Variants in PACS2 observed in about 807,000 individuals in gnomAD.
PACS2 encodes phosphofurin acidic cluster sorting protein 2.
In PACS2, 36 loss-of-function variants were observed where a neutral mutation model predicts 113.0. The ratio of observed to expected loss-of-function variants is 0.32; its 90% CI spans 0.24 to 0.42. The LOEUF (loss-of-function observed/expected upper bound fraction) is 0.42, where lower values mean the gene tolerates loss of function less well. Ranked by LOEUF, PACS2 falls within the 10% of genes least tolerant of loss-of-function variation. PACS2 has a pLI of 1.00. For missense variants in PACS2, 1,015 were observed against 1,239.5 expected (o/e 0.82, Z 2.72); for synonymous variants, 589 against 536.1 (o/e 1.10, Z -1.36).
At chr14:105,335,005 G>A (rs965247058) in intron 1 of PACS2, among the ~76,000 whole-genome samples, 8 of 152,228 alleles carry the variant, frequency 5.3e-5, no homozygotes, top group Middle Eastern at 3.2e-3. Flanking sequence ...TGGGCTGGAC[G>A]TGTAGGAACA....
intron 1 of PACS2, among the ~76,000 whole-genome samples, chr14:105,327,395 T>G (rs144656027): frequency 0.01 from 1,536 of 152,296 alleles, 27 homozygotes; most frequent in African/African-American, 0.035. Context: ...GCGGGGACCT[T>G]GGCTCCCGTG....
At position 105,361,218 on chromosome 14, in the gene PACS2, G is replaced by A. The variant is rs781802406; in HGVS notation, c.424-5995G>A. Among the ~76,000 whole-genome samples the A allele has an allele frequency of 1.2e-4, 18 of 152,234 alleles. 1 individual carries two copies. The highest frequency in any genetic ancestry group is 8.8e-5 in the Non-Finnish European group (6 of 68,046). On this transcript the variant is annotated intron_variant, in intron 4 of 24. Transcript: ENST00000447393. ...ATCAAGAATGGTGAATCCAGGCCACGCGCAGTGGCTCACACCTGTCATCCC... is the reference window on the plus strand; with the variant it reads ...ATCAAGAATGGTGAATCCAGGCCACACGCAGTGGCTCACACCTGTCATCCC...
At position 105,329,865 on chromosome 14, in the gene PACS2, G is replaced by C. The variant is rs2059239317; in HGVS notation, c.119+14828G>C. 6.6e-6 allele frequency among the ~76,000 whole-genome samples: 1 copy of C among 152,162 alleles called. No homozygotes were observed. The highest frequency in any genetic ancestry group is 2.1e-4 in the South Asian group (1 of 4,818). On this transcript the variant is annotated intron_variant, in intron 1 of 24. Coordinates refer to ENST00000447393, the MANE Select transcript of PACS2 (RefSeq NM_001100913.3). The surrounding 1 kb of genome is among the most constrained non-coding windows in gnomAD (Gnocchi z 6.4). Reference sequence around the variant, plus strand: ...GCGGGAGCATCCAGGCCTGGAACTCGAGCTGTGGTGTGGTGGTGCCAGCCC... The same window carrying C: ...GCGGGAGCATCCAGGCCTGGAACTCCAGCTGTGGTGTGGTGGTGCCAGCCC...
At chr14:105,383,741 ATAACT>A (rs1368939079) in intron 16 of PACS2, 1 of 535,024 alleles carries the variant, frequency 1.9e-6, no homozygotes, top group African/African-American at 1.9e-5. Context: ...TATATGCAAG[ATAACT>A]TGATTGCCCT....
intron 1 of PACS2, among the ~76,000 whole-genome samples, chr14:105,339,430 C>G (rs2140953221): frequency 6.6e-6 from 1 of 151,750 alleles, no homozygotes; most frequent in African/African-American, 2.4e-5. Flanking sequence ...TGGCTTGAAC[C>G]CGGGGGCAGA....
chr14:105,348,639 G>GACTCGTCTCCCA lies in PACS2; in HGVS notation c.207+59_207+60insACTCGTCTCCCA. The GACTCGTCTCCCA allele has an allele frequency of 1.6e-6, 2 of 1,257,538 alleles. No individual in the cohort carries two copies. Among genetic ancestry groups the GACTCGTCTCCCA allele is most frequent in the Non-Finnish European group, 2.3e-6 (2 of 861,858 alleles). 77.9% of individuals were successfully genotyped at this position (1,257,538 alleles called of 1,614,324 possible). ...TGCTGTGTAGGCTTTCCATGTGCCT[G>GACTCGTCTCCCA]GGAGACGAGTCAGGCGGTGCGCTAC... On this transcript the variant is annotated intron_variant, in intron 2 of 24. Transcript: ENST00000447393. This position sits in a 1 kb window ranked among gnomAD's most constrained non-coding sequence, Gnocchi z 6.4.
chr14:105,350,161 G>A (rs1397493842), intron 2 of PACS2, among the ~76,000 whole-genome samples: 3 of 152,144 alleles, frequency 2.0e-5, no homozygotes, highest in African/African-American at 7.2e-5. Flanking sequence ...GTCTGGCTGC[G>A]GGTCGTCCCT....
At chr14:105,379,266 T>C (rs2080896649) in intron 9 of PACS2, among the ~76,000 whole-genome samples, 1 of 152,248 alleles carries the variant, frequency 6.6e-6, no homozygotes, top group Admixed American at 6.5e-5. Flanking sequence ...CTGATCTGCC[T>C]GGTGGGTCCG....
At position 105,355,010 on chromosome 14, in the gene PACS2, C is replaced by T. The variant is rs1397358776; in HGVS notation, c.298-42C>T. 4 of 1,601,150 alleles carry T rather than the reference C, an allele frequency of 2.5e-6. No individual in the cohort carries two copies. The African/African-American group carries it at 4.0e-5, about 16-fold the overall frequency. On this transcript the variant is annotated intron_variant, in intron 3 of 24. Coordinates refer to ENST00000447393, the MANE Select transcript of PACS2 (RefSeq NM_001100913.3). The surrounding 1 kb of genome is among the most constrained non-coding windows in gnomAD (Gnocchi z 4.1). ...TCAGAGGCCGTGATGCTGCCTGGGG[C>T]CCCGGTGCACCCTCAGCTGCCACTC...
intron 3 of PACS2, among the ~76,000 whole-genome samples, chr14:105,353,293 A>G (rs587760230): frequency 1.4e-4 from 13 of 90,178 alleles, no homozygotes; most frequent in Admixed American, 5.7e-4. Flanking sequence ...CCCCCCCATC[A>G]CTGTCCCCTG....
chr14:105,352,487 T>G lies in PACS2; in HGVS notation c.297+20T>G. 6.7e-7 allele frequency: 1 copy of G among 1,489,456 alleles called. No individual in the cohort carries two copies. Among genetic ancestry groups the G allele is most frequent in the South Asian group, 1.1e-5 (1 of 88,620 alleles). 92.3% of individuals were successfully genotyped at this position (1,489,456 alleles called of 1,614,324 possible). A position where few individuals can be genotyped will look rare whatever the true frequency, so the allele number is the denominator to read the frequency against. On this transcript the variant is annotated intron_variant, in intron 3 of 24. Transcript: ENST00000447393. ...TTGCAGGTGAGTCTTTCACCAGTGG[T>G]GACGACACCCTCATCACTGTCCCCT...
At position 105,357,669 on chromosome 14, in the gene PACS2, G is replaced by A. The variant is rs1555405564; in HGVS notation, c.423+2492G>A. Among the ~76,000 whole-genome samples the A allele has an allele frequency of 1.3e-5, 2 of 152,206 alleles. No homozygotes were observed. The highest frequency in any genetic ancestry group is 2.9e-5 in the Non-Finnish European group (2 of 68,042). On this transcript the variant is annotated intron_variant, in intron 4 of 24. Coordinates refer to ENST00000447393, the MANE Select transcript of PACS2 (RefSeq NM_001100913.3). The surrounding 1 kb of genome is among the most constrained non-coding windows in gnomAD (Gnocchi z 5.1). ...TATGAGCACGGGAGATTGCGGAGGCGGGACAGCCCCGAGGGCACAGACGGA... is the reference window on the plus strand; with the variant it reads ...TATGAGCACGGGAGATTGCGGAGGCAGGACAGCCCCGAGGGCACAGACGGA...
chr14:105,338,145 G>T (rs2059594139), intron 1 of PACS2, among the ~76,000 whole-genome samples: 1 of 152,236 alleles, frequency 6.6e-6, no homozygotes, highest in Non-Finnish European at 1.5e-5. Context: ...GGAAGCGGGG[G>T]AGTGACCTGC....
chr14:105,367,634 G>T (rs1048744318), intron 5 of PACS2, among the ~76,000 whole-genome samples: 1 of 152,270 alleles, frequency 6.6e-6, no homozygotes, highest in Non-Finnish European at 1.5e-5. Context: ...CCTCAAAAAG[G>T]AGGTGTGGGG....
chr14:105,309,820 C>T (rs1250267611), upstream of PACS2, among the ~76,000 whole-genome samples: 3 of 128,800 alleles, frequency 2.3e-5, no homozygotes, highest in Admixed American at 9.0e-5. This position sits in a 1 kb window ranked among gnomAD's most constrained non-coding sequence, Gnocchi z 4.0. Context: ...GAGTCTCACT[C>T]TCTTGCCCAG....
intron 1 of PACS2, among the ~76,000 whole-genome samples, chr14:105,316,235 A>T (rs1026235331): frequency 1.2e-4 from 19 of 152,006 alleles, no homozygotes; most frequent in African/African-American, 4.1e-4. Context: ...CAGTGTCCAT[A>T]TGAGACCTAA....
rs587658355 is a variant in PACS2 at position 105,334,577 on chromosome 14, G to A, written c.120-13916G>A. Among the ~76,000 whole-genome samples the A allele has an allele frequency of 3.5e-4, 53 of 151,682 alleles. No individual in the cohort carries two copies. In the South Asian group the frequency reaches 5.2e-3, roughly 15 times the overall value. ...TACGTAGAGCTCCACCTGAGGGCCA[G>A]TATGTGCGTAGAGCTCCACCTGAGG... On this transcript the variant is annotated intron_variant, in intron 1 of 24. Transcript: ENST00000447393.
Position 105,369,916 on chromosome 14 carries a change from C to T in PACS2, c.801+16C>T. Reference sequence around the variant, plus strand: ...GTCCGACGAGGTGAGTGCGCCGCGCCTTCTGCTCGCGGCCCCCACGCCTGC... The same window carrying T: ...GTCCGACGAGGTGAGTGCGCCGCGCTTTCTGCTCGCGGCCCCCACGCCTGC... On this transcript the variant is annotated intron_variant, in intron 8 of 24. Coordinates refer to ENST00000447393, the MANE Select transcript of PACS2 (RefSeq NM_001100913.3). 1 of 1,593,118 alleles carries T rather than the reference C, an allele frequency of 6.3e-7. No homozygotes were observed.
intron 1 of PACS2, among the ~76,000 whole-genome samples, chr14:105,302,521 C>T (rs2140622759): frequency 6.6e-6 from 1 of 150,472 alleles, no homozygotes; most frequent in South Asian, 2.1e-4. Context: ...TTAATTTCTG[C>T]TCTCATTTTT....
Sources: gnomAD v4.1 joint callset for allele counts (sites outside exome capture counted in the v4.1 genomes callset) on GRCh38, gnomAD v4.1.1 for gene constraint, Gnocchi (gnomAD v3.1) non-coding constraint, MANE v1.5 for transcripts, NCBI Gene and HGNC (gene_info 2026-07-23, HGNC 2026-07-21) for gene names.